Variants in EYS observed in about 807,000 individuals in gnomAD.
The protein encoded by EYS is EGF-like photoreceptor maintenance factor.
A neutral mutation model predicts 282.1 loss-of-function variants in EYS; 250 were observed. The ratio of observed to expected loss-of-function variants is 0.89; its 90% CI spans 0.80 to 0.98. EYS has a LOEUF of 0.98. EYS is among the 50% of genes least tolerant of loss of function. The pLI, the probability that EYS is intolerant of heterozygous loss-of-function variation, is 0.00. For missense variants in EYS, 4,016 were observed against 3,709.0 expected (o/e 1.08, Z -2.15); for synonymous variants, 1,355 against 1,282.9 (o/e 1.06, Z -1.20).
At chr6:64,603,270 C>T (rs1766819388) in intron 24 of EYS, among the ~76,000 whole-genome samples, 1 of 151,992 alleles carries the variant, frequency 6.6e-6, no homozygotes, top group Admixed American at 6.6e-5. Flanking sequence ...CTACTCCATC[C>T]TCCTTCTCTT....
chr6:64,448,032 C>G (rs796684565), intron 26 of EYS, among the ~76,000 whole-genome samples: 1 of 152,194 alleles, frequency 6.6e-6, no homozygotes, highest in African/African-American at 2.4e-5. Flanking sequence ...TGCAGTGCAC[C>G]GTGCGTGAGC....
chr6:64,747,437 C>A (rs1279431368), intron 22 of EYS, among the ~76,000 whole-genome samples: 3 of 152,164 alleles, frequency 2.0e-5, no homozygotes, highest in Admixed American at 1.3e-4. Flanking sequence ...TGCAGTGGAG[C>A]AATCTCCACT....
chr6:64,937,544 G>T (rs1157078858), intron 15 of EYS, among the ~76,000 whole-genome samples: 1 of 151,586 alleles, frequency 6.6e-6, no homozygotes, highest in African/African-American at 2.4e-5. Flanking sequence ...AAGATGAGCT[G>T]TATTATTAGT....
intron 13 of EYS, among the ~76,000 whole-genome samples, chr6:65,051,921 A>G (rs1010294443): frequency 6.6e-6 from 1 of 151,544 alleles, no homozygotes; most frequent in African/African-American, 2.4e-5. Context: ...GGTCTTTTCT[A>G]CCCACTAAGA....
At chr6:65,086,402 G>C (rs551015399) in intron 12 of EYS, among the ~76,000 whole-genome samples, 2 of 152,194 alleles carry the variant, frequency 1.3e-5, no homozygotes, top group Admixed American at 1.3e-4. Context: ...CTATGCTACT[G>C]CTGCATATGT....
rs141538145 is a variant in EYS, at chr6:64,686,104, T to TA, written c.3444-59860dup. The stretch of plus-strand genomic sequence containing the variant: ...AAAATACTTTTAACATTAAAAACAT[T>TA]AAAAAAAAACAGGAAACTGTTAAAG... On this transcript the variant is annotated intron_variant, in intron 22 of 42. Coordinates refer to ENST00000503581, the MANE Select transcript of EYS (RefSeq NM_001142800.2). Among the ~76,000 whole-genome samples the TA allele has an allele frequency of 4.2e-3, 631 of 149,634 alleles. 4 individuals carry two copies. The highest frequency in any genetic ancestry group is 6.9e-3 in the Middle Eastern group (2 of 290).
intron 31 of EYS, among the ~76,000 whole-genome samples, chr6:64,190,818 T>C (rs1325808975): frequency 1.3e-5 from 2 of 152,204 alleles, no homozygotes; most frequent in African/African-American, 4.8e-5. Context: ...AAAGAGTTTA[T>C]GTCCAAGTAA....
intron 12 of EYS, among the ~76,000 whole-genome samples, chr6:65,156,754 A>C (rs1478517385): frequency 3.3e-5 from 5 of 150,982 alleles, no homozygotes; most frequent in Non-Finnish European, 7.4e-5. Flanking sequence ...AAACTTAGTC[A>C]CACACACCTT....
intron 12 of EYS, among the ~76,000 whole-genome samples, chr6:65,111,594 T>A (rs1234646603): frequency 6.6e-6 from 1 of 152,140 alleles, no homozygotes; most frequent in Non-Finnish European, 1.5e-5. Flanking sequence ...AGGCCTGTAA[T>A]CCCTCCCTAT....
intron 40 of EYS, among the ~76,000 whole-genome samples, chr6:63,765,152 A>AT (rs1183246729): frequency 6.6e-6 from 1 of 151,986 alleles, no homozygotes; most frequent in Non-Finnish European, 1.5e-5. Flanking sequence ...AATGTTTATT[A>AT]TTTTTTACAG....
intron 15 of EYS, among the ~76,000 whole-genome samples, chr6:64,932,795 G>T (rs1335250894): frequency 6.6e-6 from 1 of 152,032 alleles, no homozygotes; most frequent in Admixed American, 6.6e-5. Context: ...AAATCTCTGT[G>T]AAATGATTCA....
intron 12 of EYS, among the ~76,000 whole-genome samples, chr6:65,060,859 C>A (rs1053400377): frequency 1.3e-5 from 2 of 150,572 alleles, no homozygotes; most frequent in Non-Finnish European, 3.0e-5. Flanking sequence ...AAAATATTTT[C>A]TAGTATCCAT....
At chr6:65,262,169 A>G (rs1312925452) in intron 12 of EYS, among the ~76,000 whole-genome samples, 1 of 152,082 alleles carries the variant, frequency 6.6e-6, no homozygotes, top group African/African-American at 2.4e-5. Flanking sequence ...AACTCATTAT[A>G]TCTTTCCAGT....
At chr6:64,027,430 C>T (rs564070710) in intron 33 of EYS, among the ~76,000 whole-genome samples, 1 of 152,230 alleles carries the variant, frequency 6.6e-6, no homozygotes, top group Non-Finnish European at 1.5e-5. Flanking sequence ...CAGGAGGAAA[C>T]TCCAAAAGCA....
rs553540531 is a variant in EYS at position 64,674,058 on chromosome 6, G to A, written c.3444-47813C>T. 3.9e-5 allele frequency among the ~76,000 whole-genome samples: 6 copies of A among 152,166 alleles called. No individual in the cohort carries two copies. In the East Asian group the frequency reaches 9.7e-4, roughly 24 times the overall value. ...AAAAAACTTAATAAAAAATATATAT[G>A]CAGATGACATTTCTTGACTAGTGAT... is the stretch of plus-strand genomic sequence containing the variant. On this transcript the variant is annotated intron_variant, in intron 22 of 42. Transcript: ENST00000503581.
intron 35 of EYS, 111 bp downstream of exon 35, chr6:63,984,272 A>G: frequency 2.7e-6 from 2 of 733,224 alleles, no homozygotes; most frequent in Admixed American, 5.5e-5. Flanking sequence ...AAAACTTGAG[A>G]ATTCTGGACT....
intron 12 of EYS, among the ~76,000 whole-genome samples, chr6:65,111,614 AAGGCAGGCAGATCACCTGAGGTC>A (rs1463399794): frequency 6.6e-6 from 1 of 152,112 alleles, no homozygotes; most frequent in Non-Finnish European, 1.5e-5. Context: ...TTGGGACGCC[AAGGCAGGCAGATCACCTGAGGTC>A]AGGAGTTCGA....
intron 35 of EYS, among the ~76,000 whole-genome samples, chr6:63,894,485 C>A (rs1773484298): frequency 6.6e-6 from 1 of 152,120 alleles, no homozygotes; most frequent in African/African-American, 2.4e-5. Context: ...TACCCTGGAG[C>A]CTTCAGACGG....
At chr6:64,086,167 G>A (rs1344593728) in intron 31 of EYS, among the ~76,000 whole-genome samples, 1 of 152,078 alleles carries the variant, frequency 6.6e-6, no homozygotes, top group Non-Finnish European at 1.5e-5. Context: ...ATAGTACTTA[G>A]TGTTCCAAGC....
Sources: allele counts gnomAD v4.1 joint callset (sites outside exome capture counted in the v4.1 genomes callset), GRCh38; gene constraint gnomAD v4.1.1; transcripts MANE v1.5; gene names NCBI Gene and HGNC (gene_info 2026-07-23, HGNC 2026-07-21).